Variants in ZNF491 observed in about 807,000 individuals in gnomAD.
ZNF491 encodes zinc finger protein 491.
In ZNF491, 22 loss-of-function variants were observed where a neutral mutation model predicts 34.7. The observed-to-expected ratio is 0.63, with a 90% CI of 0.45 to 0.90. The LOEUF is 0.90. ZNF491 is among the 40% of genes least tolerant of loss of function. The pLI, the probability that ZNF491 is intolerant of heterozygous loss-of-function variation, is 0.00. For synonymous variants in ZNF491, 148 were observed against 174.3 expected, an observed-to-expected ratio of 0.85 and a Z score of 1.19; for missense variants, 559 against 531.7, an observed-to-expected ratio of 1.05 and a Z score of -0.51.
At position 11,807,084 on chromosome 19, in the gene ZNF491, C is replaced by A; in HGVS notation, c.1131C>A (p.His377Gln). Residue 377 changes from histidine (H) to glutamine (Q), a missense_variant, in exon 3 of 3, where the codon CAC (histidine) becomes CAA (glutamine). Transcript: ENST00000323169. ...CCTTTCATAGACATGAAAGGACTCA[C>A]GCTGGAGAAAAACCTTATGAATGTA... ...VSSFHRHERT[H>Q]AGEKPYECKH... 6.2e-7 allele frequency: 1 copy of A among 1,609,046 alleles called. No individual in the cohort carries two copies. Among genetic ancestry groups the A allele is most frequent in the Non-Finnish European group, 8.5e-7 (1 of 1,178,250 alleles).
chr19:11,804,612 A>G lies in ZNF491; in HGVS notation c.-63A>G. Reference sequence around the variant, plus strand: ...GAGTGGGCCTTGTTGAATCCTTTCCAGAAGATCTCTACAGAGATGTGATGC... The same window carrying G: ...GAGTGGGCCTTGTTGAATCCTTTCCGGAAGATCTCTACAGAGATGTGATGC... On this transcript the variant is annotated 5_prime_UTR_variant, in exon 2 of 3. Transcript: ENST00000323169. The G allele has an allele frequency of 6.6e-7, 1 of 1,526,488 alleles. No individual in the cohort carries two copies. Among genetic ancestry groups the G allele is most frequent in the Non-Finnish European group, 8.8e-7 (1 of 1,138,546 alleles). 94.6% of individuals were successfully genotyped at this position (1,526,488 alleles called of 1,614,324 possible). A position where few individuals can be genotyped will look rare whatever the true frequency, so the allele number is the denominator to read the frequency against.
intron 2 of ZNF491, 109 bp from the exon 3 acceptor site, chr19:11,805,838 C>T: frequency 1.0e-6 from 1 of 955,710 alleles, no homozygotes; most frequent in African/African-American, 1.7e-5. Flanking sequence ...CAGAGTGAGA[C>T]TTTGTACCAA....
chr19:11,803,747 C>G (rs936608490), intron 1 of ZNF491, among the ~76,000 whole-genome samples: 2 of 152,186 alleles, frequency 1.3e-5, no homozygotes, highest in Non-Finnish European at 2.9e-5. Flanking sequence ...TGACAGTAAC[C>G]TTGATCACTT....
rs1975620057 is a variant in ZNF491, at chr19:11,806,780, G to A, written c.827G>A (p.Cys276Tyr). Residue 276 changes from cysteine to tyrosine, a missense_variant, in exon 3 of 3, where the codon TGT becomes TAT. By Grantham distance (194) the Cys-to-Tyr change is radical. Transcript: ENST00000323169. ...GAGAGGCCTCATAAATGTAAGATAT[G>A]TGGGAAAGCCTTTTACTCTCCCAGT... ...TGERPHKCKICGKAFYSPSSF... is the reference protein window; with the variant it reads ...TGERPHKCKIYGKAFYSPSSF... 6.2e-7 allele frequency: 1 copy of A among 1,612,572 alleles called. No individual in the cohort carries two copies. The highest frequency in any genetic ancestry group is 1.1e-5 in the South Asian group (1 of 90,816).
rs574219502 is a variant in ZNF491 at position 11,807,206 on chromosome 19, A to C, written c.1253A>C (p.Lys418Thr). ...EKPYQCKECGKAFIRSSYCRK... is the reference protein window; with the variant it reads ...EKPYQCKECGTAFIRSSYCRK... ...CCTTACCAATGTAAGGAATGTGGGA[A>C]AGCCTTCATTCGTTCCAGTTACTGT... is the stretch of plus-strand genomic sequence containing the variant. The change falls in exon 3 of 3, where the codon AAA (lysine) becomes ACA (threonine). Residue 418 changes from lysine to threonine, a missense_variant. Lys to Thr is a moderately conservative substitution (Grantham distance 78). Coordinates refer to ENST00000323169, the MANE Select transcript of ZNF491 (RefSeq NM_152356.4). The C allele has an allele frequency of 6.3e-7, 1 of 1,589,438 alleles. No homozygotes were observed. The highest frequency in any genetic ancestry group is 1.8e-5 in the Admixed American group (1 of 54,258).
In ZNF491 at chr19:11,807,387, G is replaced by T; in HGVS notation, c.*120G>T. On this transcript the variant is annotated 3_prime_UTR_variant, in exon 3 of 3. Transcript: ENST00000323169. ...CCAGCTTGAAGTGTCAATAAAGGAA[G>T]GCAATAAAATGTAGAGATGGAGTTA... is the stretch of plus-strand genomic sequence containing the variant. 1 of 696,400 alleles carries T rather than the reference G, an allele frequency of 1.4e-6. No homozygotes were observed. The highest frequency in any genetic ancestry group is 2.3e-6 in the Non-Finnish European group (1 of 443,574). 43.1% of individuals were successfully genotyped at this position (696,400 alleles called of 1,614,324 possible). A position where few individuals can be genotyped will look rare whatever the true frequency, so the allele number is the denominator to read the frequency against.
At chr19:11,800,515 CT>C (rs529515412) in intron 1 of ZNF491, among the ~76,000 whole-genome samples, 11,035 of 123,578 alleles carry the variant, frequency 0.089, 241 homozygotes, top group Non-Finnish European at 0.1. Flanking sequence ...ATAAGGAAAA[CT>C]TTTTTTTTTT....
In ZNF491 at chr19:11,808,250, T is replaced by C. The variant is rs1193750944; in HGVS notation, c.*983T>C. On this transcript the variant is annotated 3_prime_UTR_variant, in exon 3 of 3. Transcript: ENST00000323169. ...TACCAAAGTTAGCCGGGTGTGGTGG[T>C]GGATACCTGTAATCCCAGCTACTCG... Among the ~76,000 whole-genome samples, 1 of 151,848 alleles carries C rather than the reference T, an allele frequency of 6.6e-6. No homozygotes were observed. The highest frequency in any genetic ancestry group is 2.4e-5 in the African/African-American group (1 of 41,314).
At chr19:11,799,710 C>G (rs1445553766) in intron 1 of ZNF491, among the ~76,000 whole-genome samples, 1 of 151,802 alleles carries the variant, frequency 6.6e-6, no homozygotes, top group Admixed American at 6.6e-5. Context: ...CCGAGGCGGG[C>G]GGATGACGAG....
At position 11,806,861 on chromosome 19, in the gene ZNF491, A is replaced by G. The variant is rs779807809; in HGVS notation, c.908A>G (p.Gln303Arg). Residue 303 changes from glutamine (Q) to arginine (R), a missense_variant, in exon 3 of 3, where the codon CAA becomes CGA. By Grantham distance (43) the Gln-to-Arg change is conservative (BLOSUM62 1). Coordinates refer to ENST00000323169, the MANE Select transcript of ZNF491 (RefSeq NM_152356.4). ...HTGEKPYKCKQCGKAFTCSTS... is the reference protein window; with the variant it reads ...HTGEKPYKCKRCGKAFTCSTS... ...GGAGAGAAACCCTACAAATGCAAGC[A>G]ATGTGGGAAAGCCTTCACTTGTTCC... 47 of 1,609,624 alleles carry G rather than the reference A, an allele frequency of 2.9e-5. No individual in the cohort carries two copies. In the Admixed American group the frequency reaches 8.0e-4, roughly 27 times the overall value.
chr19:11,804,758 G>A, intron 2 of ZNF491, 91 bp downstream of exon 2: 1 of 574,486 alleles, frequency 1.7e-6, no homozygotes, highest in Non-Finnish European at 2.5e-6. Flanking sequence ...ATATGGATAG[G>A]CAATCCTTCG....
chr19:11,801,682 G>T (rs1280828689), intron 1 of ZNF491, among the ~76,000 whole-genome samples: 2 of 152,060 alleles, frequency 1.3e-5, no homozygotes, highest in Non-Finnish European at 2.9e-5. Flanking sequence ...ATTACAATAA[G>T]AAAAACCTTA....
rs754755122 is a variant in ZNF491, at chr19:11,806,944, C to A, written c.991C>A (p.Gln331Lys). The A allele has an allele frequency of 1.2e-6, 2 of 1,612,254 alleles. No individual in the cohort carries two copies. Among genetic ancestry groups the A allele is most frequent in the Non-Finnish European group, 1.7e-6 (2 of 1,179,494 alleles). Residue 331 changes from glutamine to lysine, a missense_variant, in exon 3 of 3, where the codon CAA (glutamine) becomes AAA (lysine). Transcript: ENST00000323169. ...HTGEKPDGCK[Q>K]CGKAFRSAKY... ...TGGAGAGAAACCCGATGGGTGTAAGCAATGTGGGAAAGCCTTCAGATCTGC... is the reference window on the plus strand; with the variant it reads ...TGGAGAGAAACCCGATGGGTGTAAGAAATGTGGGAAAGCCTTCAGATCTGC...
Position 11,805,965 on chromosome 19 carries a change from A to G in ZNF491, c.12A>G (p.Arg4=), listed in dbSNP as rs766412552. The change falls in exon 3 of 3, where the codon AGA becomes AGG. Residue 4 remains arginine, a synonymous_variant. Transcript: ENST00000323169. The stretch of plus-strand genomic sequence containing the variant: ...TTCACAGAAATTTTATGGGAGAGAG[A>G]CTCTTTGAGAGTGCAGAAGGTAGTC... The part of the protein sequence containing the change: MGE[R]LFESAEGSQC... 1 of 1,567,576 alleles carries G rather than the reference A, an allele frequency of 6.4e-7. No individual in the cohort carries two copies.
At position 11,807,244 on chromosome 19, in the gene ZNF491, A is replaced by G; in HGVS notation, c.1291A>G (p.Arg431Gly). 6.4e-7 allele frequency: 1 copy of G among 1,555,968 alleles called. No homozygotes were observed. The highest frequency in any genetic ancestry group is 2.2e-5 in the East Asian group (1 of 44,460). The change falls in exon 3 of 3, where the codon AGA becomes GGA. Residue 431 changes from arginine to glycine, a missense_variant. Arg to Gly is a moderately radical substitution (Grantham distance 125). Transcript: ENST00000323169. ...IRSSYCRKHE[R>G]THTINI ...TTCCAGTTACTGTCGAAAACATGAA[A>G]GAACTCACACTATTAATATATGAGA...
rs775767048 is a variant in ZNF491 at position 11,806,796 on chromosome 19, C to T, written c.843C>T (p.Tyr281=). 4 of 1,610,400 alleles carry T rather than the reference C, an allele frequency of 2.5e-6. No homozygotes were observed. Among genetic ancestry groups the T allele is most frequent in the South Asian group, 2.2e-5 (2 of 90,512 alleles). ...HKCKICGKAF[Y]SPSSFQRHER... Reference sequence around the variant, plus strand: ...GTAAGATATGTGGGAAAGCCTTTTACTCTCCCAGTTCATTTCAAAGGCATG... The same window carrying T: ...GTAAGATATGTGGGAAAGCCTTTTATTCTCCCAGTTCATTTCAAAGGCATG... Residue 281 remains tyrosine (Y), a synonymous_variant, in exon 3 of 3, where the codon TAC becomes TAT. Coordinates refer to ENST00000323169, the MANE Select transcript of ZNF491 (RefSeq NM_152356.4).
intron 2 of ZNF491, 137 bp from the exon 3 acceptor site, chr19:11,805,810 G>A: frequency 1.4e-6 from 1 of 702,894 alleles, no homozygotes; most frequent in Non-Finnish European, 2.3e-6. Context: ...TCACACCACT[G>A]CACTCCAGCC....
Position 11,806,988 on chromosome 19 carries a change from T to C in ZNF491, c.1035T>C (p.His345=), listed in dbSNP as rs780445367. ...AFRSAKYIRI[H]GRTHTGEKPY... is the part of the protein sequence containing the mutation. ...GATCTGCCAAGTACATTCGAATACA[T>C]GGAAGGACTCACACTGGTGAGAAAC... Residue 345 remains histidine (H), a synonymous_variant, in exon 3 of 3, where the codon CAT becomes CAC. Transcript: ENST00000323169. 3 of 1,613,050 alleles carry C rather than the reference T, an allele frequency of 1.9e-6. No homozygotes were observed. The highest frequency in any genetic ancestry group is 4.5e-5 in the East Asian group (2 of 44,860).
chr19:11,800,515 CTTTT>C (rs529515412), intron 1 of ZNF491, among the ~76,000 whole-genome samples: 32,861 of 123,670 alleles, frequency 0.27, 4,975 homozygotes, highest in African/African-American at 0.52. Flanking sequence ...ATAAGGAAAA[CTTTT>C]TTTTTTTTTT....
Sources: gnomAD v4.1 joint callset for allele counts (sites outside exome capture counted in the v4.1 genomes callset) on GRCh38, gnomAD v4.1.1 for gene constraint, MANE v1.5 for transcripts, NCBI Gene and HGNC (gene_info 2026-07-23, HGNC 2026-07-21) for gene names.